NOS2: variants seen among roughly 807,000 people sequenced by gnomAD.
NOS2 encodes nitric oxide synthase 2.
A neutral mutation model predicts 136.0 loss-of-function variants in NOS2; 96 were observed. The observed-to-expected ratio is 0.71, with a 90% CI of 0.60 to 0.84. The LOEUF (loss-of-function observed/expected upper bound fraction) is 0.84, where lower values mean the gene tolerates loss of function less well. Ranked by LOEUF, NOS2 falls within the 40% of genes least tolerant of loss-of-function variation. The pLI, the probability that NOS2 is intolerant of heterozygous loss-of-function variation, is 0.00. For missense variants in NOS2, 1,237 were observed against 1,496.9 expected, an observed-to-expected ratio of 0.83 and a Z score of 2.87; for synonymous variants, 539 against 587.5, an observed-to-expected ratio of 0.92 and a Z score of 1.20.
At chr17:27,760,550 G>A (rs1908085588) in intron 24 of NOS2, 73 bp downstream of exon 24, 2 of 1,543,926 alleles carry the variant, frequency 1.3e-6, no homozygotes, top group East Asian at 2.4e-5. Context: ...ACCGTTTGTG[G>A]GGCTGCAGTT....
chr17:27,758,875 C>T lies in NOS2; in HGVS notation c.3354+6G>A. 3 of 1,566,954 alleles carry T rather than the reference C, an allele frequency of 1.9e-6. No individual in the cohort carries two copies. The highest frequency in any genetic ancestry group is 2.6e-6 in the Non-Finnish European group (3 of 1,156,226). ...GCACCTTCAGCCCACACACCCACTA[C>T]TATACCTTGAGCTGAAAGAAATAGT... is the stretch of plus-strand genomic sequence containing the variant. On this transcript the variant is annotated splice_donor_region_variant and intron_variant, in intron 26 of 26. Coordinates refer to ENST00000313735, the MANE Select transcript of NOS2 (RefSeq NM_000625.4).
chr17:27,778,024 G>T lies in NOS2; in HGVS notation c.1281+666C>A, dbSNP rs543823430. Among the ~76,000 whole-genome samples the T allele has an allele frequency of 5.3e-5, 8 of 149,818 alleles. No individual in the cohort carries two copies. The East Asian group carries it at 9.9e-4, about 19-fold the overall frequency. On this transcript the variant is annotated intron_variant, in intron 11 of 26. Transcript: ENST00000313735. The stretch of plus-strand genomic sequence containing the variant: ...CATTCCAGCCTGGGTGACCGAGTGA[G>T]ATGATGTCTCAAAAAAAAAAAAAGG...
chr17:27,773,140 G>A (rs752793979), intron 13 of NOS2, 21 bp downstream of exon 13: 4 of 1,578,112 alleles, frequency 2.5e-6, no homozygotes, highest in East Asian at 4.5e-5. Flanking sequence ...ATCACTACTA[G>A]CCACTGCCAC....
intron 14 of NOS2, 52 bp downstream of exon 14, chr17:27,772,256 A>T (rs1683271289): frequency 1.2e-6 from 2 of 1,603,480 alleles, no homozygotes; most frequent in East Asian, 2.2e-5. Context: ...CTTTTCCTAG[A>T]CTCCCCTGCA....
intron 21 of NOS2, among the ~76,000 whole-genome samples, chr17:27,763,612 C>G (rs1165519366): frequency 6.6e-6 from 1 of 152,230 alleles, no homozygotes; most frequent in Non-Finnish European, 1.5e-5. Context: ...ATCTGTCACT[C>G]TGCCCATTAT....
At chr17:27,768,900 C>T (rs901858586) in intron 17 of NOS2, 77 bp downstream of exon 17, 54 of 1,411,862 alleles carry the variant, frequency 3.8e-5, no homozygotes, top group East Asian at 1.5e-4. Context: ...CCACCTGGGA[C>T]GCCCAGCACA....
chr17:27,756,787 T>C lies in NOS2; in HGVS notation c.*459A>G, dbSNP rs202215159. On this transcript the variant is annotated 3_prime_UTR_variant, in exon 27 of 27. Transcript: ENST00000313735. The stretch of plus-strand genomic sequence containing the variant: ...ACAGTGTGATTAAAGTAAAATGCAA[T>C]TCATGTAAATATCTCCATCAAGGAA... 130 of 156,402 alleles carry C rather than the reference T, an allele frequency of 8.3e-4. 1 individual carries two copies. Among genetic ancestry groups the C allele is most frequent in the Non-Finnish European group, 1.6e-3 (112 of 71,008 alleles). 9.7% of individuals were successfully genotyped at this position (156,402 alleles called of 1,614,324 possible).
Position 27,759,039 on chromosome 17 carries a change from T to G in NOS2, c.3196A>C (p.Ser1066Arg). Residue 1066 changes from serine (S) to arginine (R), a missense_variant, in exon 26 of 27, where the codon AGC (serine) becomes CGC (arginine). Coordinates refer to ENST00000313735, the MANE Select transcript of NOS2 (RefSeq NM_000625.4). ...VQDILRQQLA[S>R]EVLRVLHKEP... ...TTGTGGAGCACACGGAGCACCTCGCTGGCCAGCTGCTGCCGCAGGATGTCC... is the reference window on the plus strand; with the variant it reads ...TTGTGGAGCACACGGAGCACCTCGCGGGCCAGCTGCTGCCGCAGGATGTCC... The G allele has an allele frequency of 6.2e-7, 1 of 1,607,742 alleles. No individual in the cohort carries two copies. The highest frequency in any genetic ancestry group is 1.1e-5 in the South Asian group (1 of 90,336).
At chr17:27,763,534 A>C (rs1170473319) in intron 21 of NOS2, among the ~76,000 whole-genome samples, 3 of 152,222 alleles carry the variant, frequency 2.0e-5, no homozygotes, top group Non-Finnish European at 4.4e-5. Context: ...CCTTTTGCAA[A>C]GACTTGGAAC....
In NOS2 at chr17:27,757,169, C is replaced by T. The variant is rs1391779549; in HGVS notation, c.*77G>A. 2 of 1,153,276 alleles carry T rather than the reference C, an allele frequency of 1.7e-6. No individual in the cohort carries two copies. The highest frequency in any genetic ancestry group is 2.5e-6 in the Non-Finnish European group (2 of 786,602). 71.4% of individuals were successfully genotyped at this position (1,153,276 alleles called of 1,614,324 possible). On this transcript the variant is annotated 3_prime_UTR_variant, in exon 27 of 27. Coordinates refer to ENST00000313735, the MANE Select transcript of NOS2 (RefSeq NM_000625.4). ...ATCACTTTCCTCCATCTCCCCAGGCCCTGTGACCTCAGATAATGCAGAGCT... is the reference window on the plus strand; with the variant it reads ...ATCACTTTCCTCCATCTCCCCAGGCTCTGTGACCTCAGATAATGCAGAGCT...
chr17:27,780,360 G>A (rs1030401030), intron 9 of NOS2, among the ~76,000 whole-genome samples: 1 of 152,208 alleles, frequency 6.6e-6, no homozygotes, highest in African/African-American at 2.4e-5. Flanking sequence ...CAGGGGCTGG[G>A]CCAGTAGGAC....
chr17:27,791,164 G>A (rs779265220), intron 2 of NOS2, among the ~76,000 whole-genome samples: 1 of 152,204 alleles, frequency 6.6e-6, no homozygotes, highest in African/African-American at 2.4e-5. Context: ...AAAAGAGGAT[G>A]TAAGTATGTA....
intron 1 of NOS2, among the ~76,000 whole-genome samples, chr17:27,799,790 C>CAA (rs35834812): frequency 1.6e-4 from 20 of 122,430 alleles, no homozygotes; most frequent in Non-Finnish European, 2.0e-4. Flanking sequence ...AGGCTGTTTC[C>CAA]AAAAAAAAAA....
intron 12 of NOS2, 67 bp downstream of exon 12, chr17:27,774,190 A>G (rs1280946006): frequency 4.6e-6 from 3 of 646,122 alleles, no homozygotes; most frequent in Non-Finnish European, 6.5e-6. Context: ...AATGAGGTGC[A>G]CACACACACA....
chr17:27,761,090 G>A (rs1472860474), intron 23 of NOS2, 54 bp downstream of exon 23: 12 of 1,453,698 alleles, frequency 8.3e-6, no homozygotes, highest in African/African-American at 1.4e-5. Context: ...CTTTCCTCCC[G>A]GAACTCCCAG....
chr17:27,769,330 C>T (rs28999416), intron 16 of NOS2, among the ~76,000 whole-genome samples, 179 bp from the exon 17 acceptor site: 30 of 152,228 alleles, frequency 2.0e-4, no homozygotes, highest in Admixed American at 4.6e-4. Flanking sequence ...CCATGACCAC[C>T]CCATGCTTGG....
chr17:27,770,880 C>T (rs1908469714), intron 15 of NOS2, 33 bp downstream of exon 15: 2 of 1,540,038 alleles, frequency 1.3e-6, no homozygotes, highest in South Asian at 1.1e-5. Flanking sequence ...TGCCCTACCA[C>T]CCCCTAGACC....
chr17:27,765,420 C>T (rs1211620260), intron 20 of NOS2, 115 bp downstream of exon 20: 9 of 973,386 alleles, frequency 9.2e-6, no homozygotes, highest in South Asian at 1.8e-5. Context: ...GTGGCCCGCC[C>T]TCTCAGCAGG....
At chr17:27,785,957 C>CAAAA (rs1170004221) in intron 5 of NOS2, among the ~76,000 whole-genome samples, 42 of 39,794 alleles carry the variant, frequency 1.1e-3, no homozygotes, top group African/African-American at 3.8e-3. Flanking sequence ...GACCGAGTCT[C>CAAAA]AAAAAAAAAA....
Sources: gnomAD v4.1 joint callset for allele counts (sites outside exome capture counted in the v4.1 genomes callset) on GRCh38, gnomAD v4.1.1 for gene constraint, MANE v1.5 for transcripts, NCBI Gene and HGNC (gene_info 2026-07-23, HGNC 2026-07-21) for gene names.